LINC00632: variants seen among roughly 807,000 people sequenced by gnomAD.
LINC00632 encodes ALDOA related specific transcript.
chrX:140,774,194 G>A (rs1226076256), exon 4 of LINC00632, among the ~76,000 whole-genome samples: 1 of 112,115 alleles, frequency 8.9e-6, no homozygotes, highest in Non-Finnish European at 1.9e-5. Flanking sequence ...GAAGAAGCCA[G>A]CATAGGTTAA....
At chrX:140,747,529 CAA>C (rs376796176) in intron 3 of LINC00632, among the ~76,000 whole-genome samples, 22 of 63,213 alleles carry the variant, frequency 3.5e-4, no homozygotes, top group African/African-American at 7.7e-4. Flanking sequence ...AAACTCCATC[CAA>C]AAAAAAAAAA....
At chrX:140,766,871 G>A (rs893871679) in intron 3 of LINC00632, among the ~76,000 whole-genome samples, 1 of 111,787 alleles carries the variant, frequency 8.9e-6, no homozygotes, top group African/African-American at 3.2e-5. Context: ...TTACCGTTTT[G>A]ATAGGAATAT....
exon 5 of LINC00632, among the ~76,000 whole-genome samples, chrX:140,775,107 C>A (rs1246819803): frequency 9.0e-6 from 1 of 111,676 alleles, no homozygotes; most frequent in Non-Finnish European, 1.9e-5. Context: ...CAAGGAGGAA[C>A]AGCTGCTAGA....
At chrX:140,720,960 C>T (rs1191700647) in intron 2 of LINC00632, among the ~76,000 whole-genome samples, 2 of 111,045 alleles carry the variant, frequency 1.8e-5, no homozygotes, top group Non-Finnish European at 3.8e-5. Context: ...AGGGACTTAC[C>T]CTGAGACACT....
Position 140,752,009 on chromosome X carries a change from A to G in LINC00632, n.191+18045A>G, listed in dbSNP as rs144241043. ...CTCCCTTGATCCCTTGGTGATGATT[A>G]TCTTAGGGACAGGACACAGTAGTAG... On this transcript the variant is annotated intron_variant and non_coding_transcript_variant, in intron 3 of 4. Coordinates refer to ENST00000648200, the Ensembl canonical transcript of LINC00632. 3.8e-3 allele frequency among the ~76,000 whole-genome samples: 425 copies of G among 111,422 alleles called. 2 individuals are homozygous for G. The highest frequency in any genetic ancestry group is 0.013 in the African/African-American group (403 of 30,657).
intron 1 of LINC00632, among the ~76,000 whole-genome samples, chrX:140,710,901 AG>A (rs1170431119): frequency 9.0e-6 from 1 of 110,966 alleles, no homozygotes; most frequent in African/African-American, 3.3e-5. Flanking sequence ...AGGCAAAGGG[AG>A]GGGGTGTTGA....
chrX:140,752,003 A>T (rs1466865213), intron 3 of LINC00632, among the ~76,000 whole-genome samples: 1 of 111,320 alleles, frequency 9.0e-6, no homozygotes, highest in African/African-American at 3.3e-5. Context: ...TCCCTTGGTG[A>T]TGATTATCTT....
At chrX:140,740,450 T>TA (rs753270409) in intron 3 of LINC00632, among the ~76,000 whole-genome samples, 1 of 111,133 alleles carries the variant, frequency 9.0e-6, no homozygotes, top group Non-Finnish European at 1.9e-5. Flanking sequence ...ATCAATAACA[T>TA]AAAATCGAGA....
intron 3 of LINC00632, among the ~76,000 whole-genome samples, chrX:140,744,572 G>T (rs1487352703): frequency 9.7e-5 from 5 of 51,306 alleles, no homozygotes; most frequent in African/African-American, 2.4e-4. Flanking sequence ...TTTTTTGGGG[G>T]GGGGGGTGGG....
chrX:140,731,325 G>C (rs921062702), intron 2 of LINC00632, among the ~76,000 whole-genome samples: 1 of 112,081 alleles, frequency 8.9e-6, no homozygotes, highest in Non-Finnish European at 1.9e-5. Context: ...ATAGAATTTA[G>C]AGGCAGACTT....
chrX:140,788,426 A>C (rs954302914), exon 5 of LINC00632, among the ~76,000 whole-genome samples: 2 of 110,411 alleles, frequency 1.8e-5, no homozygotes, highest in African/African-American at 6.5e-5. Flanking sequence ...CTTTCTGTAC[A>C]TTTGTCTTTC....
chrX:140,788,062 A>G (rs1569358661), exon 5 of LINC00632, among the ~76,000 whole-genome samples: 1 of 110,424 alleles, frequency 9.1e-6, no homozygotes, highest in East Asian at 2.8e-4. Context: ...TCCTTTTTAT[A>G]TTATTCAAAA....
In LINC00632 at chrX:140,757,076, GCCAA is replaced by G. The variant is rs762379450; in HGVS notation, n.192-15001_192-14998del. Among the ~76,000 whole-genome samples the G allele has an allele frequency of 9.3e-3, 1,027 of 110,685 alleles. 4 individuals carry two copies. Among genetic ancestry groups the G allele is most frequent in the Non-Finnish European group, 0.015 (811 of 53,007 alleles). The stretch of plus-strand genomic sequence containing the variant: ...GAAGAACGTTTTTGACAATAGAACT[GCCAA>G]TTAATCAGTGGCAGACGAGAGAAGA... On this transcript the variant is annotated intron_variant and non_coding_transcript_variant, in intron 3 of 4. Transcript: ENST00000648200.
chrX:140,788,854 C>T (rs1371898597), exon 5 of LINC00632, among the ~76,000 whole-genome samples: 1 of 96,358 alleles, frequency 1.0e-5, no homozygotes, highest in Non-Finnish European at 2.1e-5. Context: ...TATGTATATT[C>T]CATATATGCA....
At chrX:140,753,394 A>G (rs902789982) in intron 3 of LINC00632, among the ~76,000 whole-genome samples, 1 of 111,516 alleles carries the variant, frequency 9.0e-6, no homozygotes, top group African/African-American at 3.3e-5. Context: ...ATTTTTTTAT[A>G]CAGGGCCATG....
exon 5 of LINC00632, among the ~76,000 whole-genome samples, chrX:140,785,754 A>C (rs1301797578): frequency 8.9e-6 from 1 of 112,070 alleles, no homozygotes. Flanking sequence ...CTTCAGAATC[A>C]TATTCATAGC....
exon 5 of LINC00632, among the ~76,000 whole-genome samples, chrX:140,786,638 G>T (rs1932023147): frequency 9.0e-6 from 1 of 111,183 alleles, no homozygotes; most frequent in Admixed American, 9.6e-5. Flanking sequence ...TATATCAAGG[G>T]ATATAAAAAT....
chrX:140,752,026 C>T (rs1325040135), intron 3 of LINC00632, among the ~76,000 whole-genome samples: 2 of 111,471 alleles, frequency 1.8e-5, no homozygotes, highest in East Asian at 5.6e-4. Context: ...GGACAGGACA[C>T]AGTAGTAGCT....
At chrX:140,753,875 A>C (rs1466056050) in intron 3 of LINC00632, among the ~76,000 whole-genome samples, 4 of 100,834 alleles carry the variant, frequency 4.0e-5, no homozygotes, top group Admixed American at 1.2e-4. Context: ...TCCCAGGTTC[A>C]AGCAGTTCTC....
Sources: allele counts gnomAD v4.1 joint callset (sites outside exome capture counted in the v4.1 genomes callset), GRCh38; gene constraint gnomAD v4.1.1; transcripts MANE v1.5; gene names NCBI Gene and HGNC (gene_info 2026-07-23, HGNC 2026-07-21).